Variants in SPOCK3 observed in about 807,000 individuals in gnomAD.
SPOCK3 encodes the protein SPARC (osteonectin), cwcv and kazal like domains proteoglycan 3.
Under a neutral mutation model 56.6 loss-of-function variants are expected in SPOCK3, and 30 were observed. The ratio of observed to expected loss-of-function variants is 0.53; its 90% confidence interval spans 0.40 to 0.72. The LOEUF (loss-of-function observed/expected upper bound fraction) is 0.72. Ranked by LOEUF, SPOCK3 falls within the 30% of genes least tolerant of loss-of-function variation. The pLI is 0.00. For synonymous variants in SPOCK3, 196 were observed against 183.3 expected, an observed-to-expected ratio of 1.07 and a Z score of -0.56; for missense variants, 527 against 530.0, an observed-to-expected ratio of 0.99 and a Z score of 0.06.
intron 6 of SPOCK3, among the ~76,000 whole-genome samples, chr4:166,828,115 TATA>T (rs1293242937): frequency 1.3e-5 from 2 of 152,074 alleles, no homozygotes; most frequent in Admixed American, 1.3e-4. Context: ...TTAGTTTTAG[TATA>T]ATATCTTCAG....
intron 4 of SPOCK3, among the ~76,000 whole-genome samples, chr4:166,934,256 C>T (rs901814807): frequency 5.3e-5 from 8 of 151,034 alleles, no homozygotes; most frequent in Admixed American, 1.3e-4. Flanking sequence ...TTTGGGAGGC[C>T]GAGACTGGTG....
intron 8 of SPOCK3, among the ~76,000 whole-genome samples, chr4:166,744,167 C>T (rs1735253277): frequency 6.6e-6 from 1 of 152,188 alleles, no homozygotes; most frequent in Non-Finnish European, 1.5e-5. Context: ...CAAGTGGGTC[C>T]CTGACCCCCG....
chr4:167,202,417 T>C (rs1006136644), intron 2 of SPOCK3, among the ~76,000 whole-genome samples: 7 of 151,966 alleles, frequency 4.6e-5, no homozygotes, highest in Non-Finnish European at 8.8e-5. Context: ...ATGCAAAGTG[T>C]ATAAAATATA....
At chr4:166,999,132 T>C (rs943341350) in intron 4 of SPOCK3, among the ~76,000 whole-genome samples, 4 of 152,204 alleles carry the variant, frequency 2.6e-5, no homozygotes, top group African/African-American at 9.6e-5. Context: ...TTGTTCTTTA[T>C]ATCACCAAAC....
chr4:166,947,222 G>A (rs571327169), intron 4 of SPOCK3, among the ~76,000 whole-genome samples: 3 of 152,086 alleles, frequency 2.0e-5, no homozygotes, highest in African/African-American at 7.2e-5. Context: ...CAATTATATA[G>A]TCAACCAACA....
chr4:166,845,739 C>A (rs1389179079), intron 6 of SPOCK3, among the ~76,000 whole-genome samples: 1 of 152,122 alleles, frequency 6.6e-6, no homozygotes, highest in Non-Finnish European at 1.5e-5. Context: ...AAGTTATTAA[C>A]TAGGTGATTT....
chr4:167,090,263 T>C lies in SPOCK3; in HGVS notation c.190-27726A>G, dbSNP rs1238270399. On this transcript the variant is annotated intron_variant, in intron 2 of 10. Coordinates refer to ENST00000357545, the MANE Select transcript of SPOCK3 (RefSeq NM_001040159.2). ...GGTAATGTGTAAAAATTACAATTGCTCTGCACCCTCATCAGCACTTGGCAT... is the reference window on the plus strand; with the variant it reads ...GGTAATGTGTAAAAATTACAATTGCCCTGCACCCTCATCAGCACTTGGCAT... 2.0e-5 allele frequency among the ~76,000 whole-genome samples: 3 copies of C among 152,148 alleles called. No individual in the cohort carries two copies. The East Asian group carries it at 5.8e-4, about 29-fold the overall frequency.
intron 4 of SPOCK3, among the ~76,000 whole-genome samples, chr4:166,971,593 T>G (rs1458750115): frequency 1.3e-5 from 2 of 152,086 alleles, no homozygotes; most frequent in Non-Finnish European, 2.9e-5. Flanking sequence ...ATCTTGATCT[T>G]CTGTGAATAC....
At chr4:166,930,994 C>CT (rs1315511397) in intron 4 of SPOCK3, among the ~76,000 whole-genome samples, 164 of 151,596 alleles carry the variant, frequency 1.1e-3, no homozygotes, top group African/African-American at 3.6e-3. Context: ...AACAATTTTC[C>CT]TTTTTTTTGA....
At chr4:167,035,551 T>G (rs1302517002) in intron 3 of SPOCK3, among the ~76,000 whole-genome samples, 2 of 152,150 alleles carry the variant, frequency 1.3e-5, no homozygotes, top group African/African-American at 4.8e-5. Flanking sequence ...GGATTAACCA[T>G]GTTCTACCCT....
chr4:167,102,063 C>T (rs1018436643), intron 2 of SPOCK3, among the ~76,000 whole-genome samples: 6 of 151,728 alleles, frequency 4.0e-5, no homozygotes, highest in Non-Finnish European at 8.8e-5. Context: ...AGTGTCATAA[C>T]TTGGATCCTT....
At chr4:166,916,166 C>T (rs1737829306) in intron 4 of SPOCK3, among the ~76,000 whole-genome samples, 1 of 151,784 alleles carries the variant, frequency 6.6e-6, no homozygotes, top group Non-Finnish European at 1.5e-5. Context: ...ATATAATAAA[C>T]TCAAGTTTTC....
At chr4:166,839,914 T>A (rs969001368) in intron 6 of SPOCK3, among the ~76,000 whole-genome samples, 12 of 152,210 alleles carry the variant, frequency 7.9e-5, no homozygotes, top group African/African-American at 2.9e-4. Flanking sequence ...GGGGCTAATT[T>A]CACTTCGGGG....
intron 6 of SPOCK3, among the ~76,000 whole-genome samples, chr4:166,795,415 A>G (rs1741829626): frequency 6.6e-6 from 1 of 152,208 alleles, no homozygotes; most frequent in Non-Finnish European, 1.5e-5. Flanking sequence ...AGTAACTTCC[A>G]TAAGCCCAGG....
chr4:166,752,896 C>G (rs1473560027), intron 8 of SPOCK3, among the ~76,000 whole-genome samples: 1 of 151,874 alleles, frequency 6.6e-6, no homozygotes, highest in African/African-American at 2.4e-5. Flanking sequence ...CTTTTACTAG[C>G]TTAGGTACCA....
chr4:167,037,342 C>T (rs1752842771), intron 3 of SPOCK3, among the ~76,000 whole-genome samples: 1 of 151,870 alleles, frequency 6.6e-6, no homozygotes, highest in Non-Finnish European at 1.5e-5. Flanking sequence ...ATTAGCCCGG[C>T]GTGGTGGGGT....
intron 2 of SPOCK3, among the ~76,000 whole-genome samples, chr4:167,081,754 A>G (rs1219915077): frequency 6.6e-6 from 1 of 151,980 alleles, no homozygotes; most frequent in African/African-American, 2.4e-5. Context: ...AGGGATGGCT[A>G]AGCAAAATCT....
intron 2 of SPOCK3, among the ~76,000 whole-genome samples, chr4:167,145,301 A>G (rs1763855001): frequency 6.6e-6 from 1 of 152,150 alleles, no homozygotes; most frequent in African/African-American, 2.4e-5. Flanking sequence ...TGCTTTGGAC[A>G]TATGAACTTG....
intron 2 of SPOCK3, among the ~76,000 whole-genome samples, chr4:167,104,637 G>A (rs1024787777): frequency 6.6e-6 from 1 of 151,962 alleles, no homozygotes; most frequent in African/African-American, 2.4e-5. Flanking sequence ...CCCTTAAAGG[G>A]GAGGTAAAGA....
Sources: allele counts gnomAD v4.1 joint callset (sites outside exome capture counted in the v4.1 genomes callset), GRCh38; gene constraint gnomAD v4.1.1; transcripts MANE v1.5; gene names NCBI Gene and HGNC (gene_info 2026-07-23, HGNC 2026-07-21).